LARGE1: variants seen among roughly 807,000 people sequenced by gnomAD.
LARGE1 encodes the protein xylosyl- and glucuronyltransferase LARGE1.
Under a neutral mutation model 87.6 loss-of-function variants are expected in LARGE1, and 43 were observed. The ratio of observed to expected loss-of-function variants is 0.49; its 90% CI spans 0.38 to 0.63. The LOEUF (loss-of-function observed/expected upper bound fraction) is 0.63. LARGE1 is among the 30% of genes least tolerant of loss of function. The probability of loss-of-function intolerance (pLI) is 0.00; values close to 1 mark genes in which losing one functional copy is unlikely to be tolerated. For synonymous variants in LARGE1, 434 were observed against 394.6 expected, an observed-to-expected ratio of 1.10 and a Z score of -1.18; for missense variants, 802 against 1,000.2, an observed-to-expected ratio of 0.80 and a Z score of 2.67.
At chr22:33,296,653 C>T (rs1265969191) in intron 12 of LARGE1, among the ~76,000 whole-genome samples, 2 of 149,054 alleles carry the variant, frequency 1.3e-5, no homozygotes, top group Non-Finnish European at 3.0e-5. Flanking sequence ...ACCGCAATGT[C>T]TGCCTCCGAG....
intron 7 of LARGE1, among the ~76,000 whole-genome samples, chr22:33,426,087 T>G (rs1221857106): frequency 6.6e-6 from 1 of 152,154 alleles, no homozygotes; most frequent in African/African-American, 2.4e-5. Flanking sequence ...TCCCTTGCAG[T>G]GACCTCTGGA....
At chr22:33,772,456 C>A (rs971880824) in intron 1 of LARGE1, among the ~76,000 whole-genome samples, 41 of 152,290 alleles carry the variant, frequency 2.7e-4, no homozygotes, top group African/African-American at 8.2e-4. Flanking sequence ...TCTCTCTGCT[C>A]TACTCCAGCC....
At chr22:33,666,048 T>C (rs2081259068) in intron 2 of LARGE1, among the ~76,000 whole-genome samples, 2 of 152,102 alleles carry the variant, frequency 1.3e-5, no homozygotes, top group African/African-American at 4.8e-5. Context: ...TGCATCTAAA[T>C]ATCTCTTTCC....
At chr22:33,189,497 G>C (rs965749258) in intron 11 of LARGE1, among the ~76,000 whole-genome samples, 1 of 151,976 alleles carries the variant, frequency 6.6e-6, no homozygotes, top group African/African-American at 2.4e-5. Flanking sequence ...ACACACTCAC[G>C]ATACTCACTC....
intron 3 of LARGE1, among the ~76,000 whole-genome samples, chr22:33,648,584 C>T (rs1428741741): frequency 6.6e-6 from 1 of 152,154 alleles, no homozygotes; most frequent in African/African-American, 2.4e-5. Context: ...AAGGCAAGAA[C>T]AGAAGATCCC....
chr22:33,432,568 C>A (rs2067116085), intron 6 of LARGE1, among the ~76,000 whole-genome samples: 1 of 131,810 alleles, frequency 7.6e-6, no homozygotes, highest in Admixed American at 7.0e-5. Flanking sequence ...CCAAATCATT[C>A]ATTCATTCAT....
intron 6 of LARGE1, among the ~76,000 whole-genome samples, chr22:33,539,016 T>C (rs993792723): frequency 1.3e-5 from 2 of 152,150 alleles, no homozygotes; most frequent in African/African-American, 4.8e-5. Flanking sequence ...AGAAAAGAAA[T>C]ATAAAAATTC....
At chr22:33,298,336 T>A (rs553812167) in intron 12 of LARGE1, among the ~76,000 whole-genome samples, 27 of 152,358 alleles carry the variant, frequency 1.8e-4, no homozygotes, top group African/African-American at 6.5e-4. Flanking sequence ...AAACAGTGCC[T>A]GGCCACGCAG....
chr22:33,819,434 C>A (rs887453652), intron 1 of LARGE1, among the ~76,000 whole-genome samples: 4 of 152,032 alleles, frequency 2.6e-5, no homozygotes, highest in Non-Finnish European at 5.9e-5. Flanking sequence ...TCTCCCCTTG[C>A]CAACTACGTC....
At chr22:33,513,686 AGAG>A (rs1166206194) in intron 6 of LARGE1, among the ~76,000 whole-genome samples, 2 of 152,174 alleles carry the variant, frequency 1.3e-5, no homozygotes, top group Admixed American at 1.3e-4. Context: ...GGAAGAGACA[AGAG>A]TTCATTTTTC....
At chr22:33,817,005 T>G (rs542434080) in intron 1 of LARGE1, among the ~76,000 whole-genome samples, 2 of 151,914 alleles carry the variant, frequency 1.3e-5, no homozygotes, top group Non-Finnish European at 2.9e-5. Flanking sequence ...GGTGGAGGGG[T>G]GCATGTATAT....
Position 33,478,334 on chromosome 22 carries a change from G to A in LARGE1, c.788-46069C>T, listed in dbSNP as rs114571800. Among the ~76,000 whole-genome samples, 1,016 of 152,314 alleles carry A rather than the reference G, an allele frequency of 6.7e-3. 11 individuals are homozygous for A. The highest frequency in any genetic ancestry group is 0.024 in the African/African-American group (979 of 41,574). On this transcript the variant is annotated intron_variant, in intron 6 of 14. Transcript: ENST00000397394. ...ACACTGAAGGCTAAAGGAGCTCCAG[G>A]CTTAAACCAGTTTCACCCACAATCT...
intron 9 of LARGE1, among the ~76,000 whole-genome samples, chr22:33,369,456 TG>T (rs368330482): frequency 3.5e-5 from 5 of 143,546 alleles, no homozygotes; most frequent in South Asian, 2.1e-4. Flanking sequence ...TCTATTTTCT[TG>T]GTTTTTTTTT....
intron 1 of LARGE1, among the ~76,000 whole-genome samples, chr22:33,849,452 C>G (rs1200702116): frequency 6.6e-6 from 1 of 152,072 alleles, no homozygotes; most frequent in Non-Finnish European, 1.5e-5. Context: ...GAAAAAAACT[C>G]AAATTAGGAC....
intron 1 of LARGE1, among the ~76,000 whole-genome samples, chr22:33,915,579 C>G (rs1459626100): frequency 6.6e-6 from 1 of 151,990 alleles, no homozygotes; most frequent in Non-Finnish European, 1.5e-5. Context: ...ATTTGCATTG[C>G]TAATAGTTTT....
chr22:33,306,706 T>C (rs981375439), intron 11 of LARGE1, among the ~76,000 whole-genome samples: 2 of 152,034 alleles, frequency 1.3e-5, no homozygotes, highest in African/African-American at 4.8e-5. Context: ...ACCCCATCTC[T>C]ACTAAAAATA....
chr22:33,740,459 G>A (rs569628829), intron 2 of LARGE1, among the ~76,000 whole-genome samples: 7 of 152,004 alleles, frequency 4.6e-5, no homozygotes, highest in Middle Eastern at 3.4e-3. Flanking sequence ...GGTTTCCTCC[G>A]AGGACCTATT....
chr22:33,260,241 G>A (rs1484673923), intron 11 of LARGE1, among the ~76,000 whole-genome samples: 8 of 152,020 alleles, frequency 5.3e-5, no homozygotes, highest in East Asian at 3.9e-4. Context: ...CCTGTAAGGC[G>A]TGGCATGCCC....
chr22:33,096,726 G>A, the LARGE1 span, among the ~76,000 whole-genome samples: 7 of 152,080 alleles, frequency 4.6e-5, no homozygotes, highest in South Asian at 4.2e-4. Context: ...CACTGCGCCC[G>A]GCTAATTTTT....
Sources: allele counts gnomAD v4.1 joint callset (sites outside exome capture counted in the v4.1 genomes callset), GRCh38; gene constraint gnomAD v4.1.1; transcripts MANE v1.5; gene names NCBI Gene and HGNC (gene_info 2026-07-23, HGNC 2026-07-21).